Variants in COL5A3 observed in about 807,000 individuals in gnomAD.
COL5A3 encodes the protein collagen type V alpha 3 chain, also known as collagen alpha-3(V) chain.
COL5A3 carries 172 observed loss-of-function variants against 250.0 expected under a neutral mutation model. The ratio of observed to expected loss-of-function variants is 0.69; its 90% CI spans 0.61 to 0.78. The LOEUF (loss-of-function observed/expected upper bound fraction) is 0.78. Among genes scored for constraint, COL5A3 ranks in the 30% least tolerant of loss-of-function variants. COL5A3 has a pLI of 0.00. For synonymous variants in COL5A3, 937 were observed against 900.4 expected (o/e 1.04, Z -0.73); for missense variants, 2,340 against 2,334.4 (o/e 1.00, Z -0.05).
rs2087192315 is a variant in COL5A3, at chr19:9,991,666, A to T, written c.1948-12T>A. The T allele has an allele frequency of 1.2e-6, 2 of 1,613,100 alleles. No individual in the cohort carries two copies. Among genetic ancestry groups the T allele is most frequent in the Non-Finnish European group, 1.7e-6 (2 of 1,179,532 alleles). On this transcript the variant is annotated splice_polypyrimidine_tract_variant and intron_variant, in intron 23 of 66. Transcript: ENST00000264828. ...GGACCGGGGAGTCCCTGGAGACAGA[A>T]AAAGAAGATGAGAGAAGGCATAAGA...
At chr19:9,984,516 A>G (rs1400963676) in intron 31 of COL5A3, among the ~76,000 whole-genome samples, 1 of 152,226 alleles carries the variant, frequency 6.6e-6, no homozygotes, top group African/African-American at 2.4e-5. Context: ...AATTAATTCA[A>G]GATATGTAAG....
At chr19:9,989,244 T>C in intron 26 of COL5A3, 67 bp from the exon 27 acceptor site, 1 of 1,610,282 alleles carries the variant, frequency 6.2e-7, no homozygotes, top group Admixed American at 1.7e-5. Context: ...CCCTCATCTC[T>C]CTCCTCTGTG....
intron 10 of COL5A3, among the ~76,000 whole-genome samples, 200 bp from the exon 11 acceptor site, chr19:9,997,633 A>G (rs2087292122): frequency 6.6e-6 from 1 of 151,448 alleles, no homozygotes; most frequent in African/African-American, 2.4e-5. Context: ...AGACGGTCTC[A>G]CTCTGTCACC....
intron 24 of COL5A3, among the ~76,000 whole-genome samples, chr19:9,990,712 G>A (rs8101239): frequency 0.26 from 39,917 of 151,312 alleles, 7,885 homozygotes; most frequent in African/African-American, 0.56. Context: ...ACAGGCGCGC[G>A]CCACCACGCC....
In COL5A3 at chr19:10,005,909, G is replaced by A. The variant is rs141206611; in HGVS notation, c.324C>T (p.Ser108=). The A allele has an allele frequency of 1.9e-6, 3 of 1,613,922 alleles. No homozygotes were observed. In the African/African-American group the frequency reaches 4.0e-5, roughly 22 times the overall value. Residue 108 remains serine, a synonymous_variant, in exon 3 of 67, where the codon TCC becomes TCT. Transcript: ENST00000264828. The stretch of plus-strand genomic sequence containing the variant: ...GCCGGGCACCCCTTTCATCATAAAT[G>A]GACAGCAGGACAGACTGATTGGCTG... ...GQPANQSVLL[S]IYDERGARQL...
rs561929501 is a variant in COL5A3, at chr19:9,961,780, G to C, written c.4852-890C>G. On this transcript the variant is annotated intron_variant, in intron 65 of 66. Coordinates refer to ENST00000264828, the MANE Select transcript of COL5A3 (RefSeq NM_015719.4). ...TCACCATGTTAGCCAGGATGGTCTC[G>C]ATCTCCTGACCTCGTGATCCGCCCA... Among the ~76,000 whole-genome samples, 22 of 152,026 alleles carry C rather than the reference G, an allele frequency of 1.4e-4. No homozygotes were observed. In the East Asian group the frequency reaches 2.1e-3, roughly 15 times the overall value.
intron 15 of COL5A3, among the ~76,000 whole-genome samples, chr19:9,995,846 G>A (rs2087261159): frequency 1.3e-5 from 2 of 152,068 alleles, no homozygotes; most frequent in Non-Finnish European, 2.9e-5. Flanking sequence ...GCCTCCCTAT[G>A]TTGCCCAGAC....
chr19:9,980,542 C>T, intron 35 of COL5A3, 106 bp downstream of exon 35: 1 of 1,479,032 alleles, frequency 6.8e-7, no homozygotes, highest in South Asian at 1.3e-5. Flanking sequence ...GTGCTCTTAC[C>T]ACTGCATTAT....
At chr19:9,982,801 C>A (rs544773788) in intron 31 of COL5A3, among the ~76,000 whole-genome samples, 3 of 152,256 alleles carry the variant, frequency 2.0e-5, no homozygotes, top group Admixed American at 6.5e-5. Flanking sequence ...CCATTTCAGG[C>A]TCCCTCTACT....
Position 10,004,431 on chromosome 19 carries a change from C to T in COL5A3, c.595-286G>A, listed in dbSNP as rs115974018. Among the ~76,000 whole-genome samples, 945 of 152,208 alleles carry T rather than the reference C, an allele frequency of 6.2e-3. 10 individuals are homozygous for T. Among genetic ancestry groups the T allele is most frequent in the African/African-American group, 0.017 (725 of 41,536 alleles). ...ACTAGAGGTGCATCAGTTCCTTCAC[C>T]GGTTCAAGTGATTCTCAGCCTCCCA... On this transcript the variant is annotated intron_variant, in intron 4 of 66. Transcript: ENST00000264828.
chr19:9,980,088 T>A (rs1285613510), intron 35 of COL5A3, 41 bp from the exon 36 acceptor site: 1 of 1,554,594 alleles, frequency 6.4e-7, no homozygotes, highest in East Asian at 2.3e-5. Context: ...CCCCCCTGCC[T>A]CCCTGCCCAC....
At chr19:9,977,205 G>T in intron 44 of COL5A3, 24 bp downstream of exon 44, 5 of 1,602,530 alleles carry the variant, frequency 3.1e-6, no homozygotes, top group Non-Finnish European at 3.4e-6. Flanking sequence ...ACCCCACCCT[G>T]CCCCACTGGG....
intron 11 of COL5A3, 152 bp downstream of exon 11, chr19:9,997,219 A>G (rs1464724901): frequency 1.4e-6 from 1 of 690,298 alleles, no homozygotes; most frequent in African/African-American, 1.8e-5. Context: ...GAAATAGTTC[A>G]CAGATGGGAG....
intron 32 of COL5A3, among the ~76,000 whole-genome samples, chr19:9,981,455 C>T (rs1231145024): frequency 6.6e-6 from 1 of 152,210 alleles, no homozygotes; most frequent in East Asian, 1.9e-4. Flanking sequence ...AATCCACAGC[C>T]TGAAGATGAC....
At chr19:10,006,592 T>C (rs2087447728) in intron 1 of COL5A3, among the ~76,000 whole-genome samples, 1 of 152,028 alleles carries the variant, frequency 6.6e-6, no homozygotes. Flanking sequence ...TAGGGCTATA[T>C]CCCAGGCCTG....
Position 9,966,424 on chromosome 19 carries a change from C to A in COL5A3, c.4672G>T (p.Glu1558Ter). 1.3e-6 allele frequency: 2 copies of A among 1,594,500 alleles called. No individual in the cohort carries two copies. Among genetic ancestry groups the A allele is most frequent in the Admixed American group, 1.7e-5 (1 of 58,898 alleles). Residue 1558 changes from glutamate to a stop codon, truncating the protein, a stop_gained and splice_region_variant, in exon 64 of 67, where the codon GAA becomes TAA. Transcript: ENST00000264828. LOFTEE classifies it high-confidence loss of function. ...CCCTGGTTGGGGTCAATCCAGTATT[C>A]CCCTGCCGCAGAGCCAGGCAGGGTG... ...HRNHPHLPDGEYWIDPNQGCA... is the reference protein window; with the variant it reads ...HRNHPHLPDG
chr19:10,000,055 GC>G (rs1478995892), intron 8 of COL5A3, among the ~76,000 whole-genome samples: 4 of 151,882 alleles, frequency 2.6e-5, no homozygotes, highest in Non-Finnish European at 4.4e-5. Flanking sequence ...ACCATACCTG[GC>G]CTCAGTTACC....
intron 29 of COL5A3, 55 bp downstream of exon 29, chr19:9,986,498 C>T: frequency 1.3e-6 from 2 of 1,576,748 alleles, no homozygotes; most frequent in Non-Finnish European, 8.5e-7. Context: ...CATCCCCTCC[C>T]TATCTTCCCC....
chr19:9,986,828 G>T, intron 27 of COL5A3, 70 bp from the exon 28 acceptor site: 1 of 1,551,876 alleles, frequency 6.4e-7, no homozygotes, highest in South Asian at 1.1e-5. Flanking sequence ...TCAGTCCCCT[G>T]CTCTAAAGCA....
Sources: gnomAD v4.1 joint callset for allele counts (sites outside exome capture counted in the v4.1 genomes callset) on GRCh38, gnomAD v4.1.1 for gene constraint, MANE v1.5 for transcripts, NCBI Gene and HGNC (gene_info 2026-07-23, HGNC 2026-07-21) for gene names.